MYH4: variants seen among roughly 807,000 people sequenced by gnomAD.
The protein encoded by MYH4 is myosin heavy chain 4.
A neutral mutation model predicts 229.9 loss-of-function variants in MYH4; 200 were observed. That is an observed-to-expected ratio of 0.87 (90% CI 0.78 to 0.98). The LOEUF (loss-of-function observed/expected upper bound fraction) is 0.98, where lower values mean the gene tolerates loss of function less well. MYH4 is among the 50% of genes least tolerant of loss of function. MYH4 has a pLI of 0.00. For synonymous variants in MYH4, 761 were observed against 834.6 expected, an observed-to-expected ratio of 0.91 and a Z score of 1.52; for missense variants, 2,148 against 2,332.6, an observed-to-expected ratio of 0.92 and a Z score of 1.63.
intron 12 of MYH4, 152 bp from the exon 13 acceptor site, chr17:10,460,473 A>G (rs1472308415): frequency 3.0e-6 from 2 of 655,896 alleles, no homozygotes; most frequent in African/African-American, 3.6e-5. Context: ...CCTCAAAAGC[A>G]TTGCCACCAC....
chr17:10,461,161 T>C (rs554551088), intron 11 of MYH4, 107 bp from the exon 12 acceptor site: 1 of 1,284,580 alleles, frequency 7.8e-7, no homozygotes. Context: ...TGCCTTATAT[T>C]TGACTAGCAC....
In MYH4 at chr17:10,460,354, C is replaced by T. The variant is rs763752619; in HGVS notation, c.1148-33G>A. 4.8e-6 allele frequency: 7 copies of T among 1,444,318 alleles called. No individual in the cohort carries two copies. The South Asian group carries it at 8.5e-5, about 18-fold the overall frequency. 89.5% of individuals were successfully genotyped at this position (1,444,318 alleles called of 1,614,324 possible). A position where few individuals can be genotyped will look rare whatever the true frequency, so the allele number is the denominator to read the frequency against. On this transcript the variant is annotated intron_variant, in intron 12 of 39. Transcript: ENST00000255381. ...AACAAGGTGAGAATGGTGAAACTGA[C>T]CATGGCTTACACAATTTAAAATGTA... is the stretch of plus-strand genomic sequence containing the variant.
At chr17:10,452,367 T>A in intron 26 of MYH4, 37 bp from the exon 27 acceptor site, 1 of 1,614,126 alleles carries the variant, frequency 6.2e-7, no homozygotes, top group Non-Finnish European at 8.5e-7. Flanking sequence ...TGAATTTATG[T>A]CAGTTTTGTT....
In MYH4 at chr17:10,459,357, T is replaced by C. The variant is rs777072898; in HGVS notation, c.1481A>G (p.His494Arg). 6.2e-7 allele frequency: 1 copy of C among 1,614,142 alleles called. No homozygotes were observed. Among genetic ancestry groups the C allele is most frequent in the Non-Finnish European group, 8.5e-7 (1 of 1,180,030 alleles). Residue 494 changes from histidine to arginine, a missense_variant, in exon 15 of 40, where the codon CAC (histidine) becomes CGC (arginine). Coordinates refer to ENST00000255381, the MANE Select transcript of MYH4 (RefSeq NM_017533.2). ...TTCCTGCTCCAGCACGAACATGTGGTGGTTGAAAAACTGTTGCAGTTTCTC... is the reference window on the plus strand; with the variant it reads ...TTCCTGCTCCAGCACGAACATGTGGCGGTTGAAAAACTGTTGCAGTTTCTC... ...TNEKLQQFFNHHMFVLEQEEY... is the reference protein window; with the variant it reads ...TNEKLQQFFNRHMFVLEQEEY...
chr17:10,464,728 G>T lies in MYH4; in HGVS notation c.506-20C>A. The T allele has an allele frequency of 6.2e-7, 1 of 1,611,062 alleles. No individual in the cohort carries two copies. The highest frequency in any genetic ancestry group is 8.5e-7 in the Non-Finnish European group (1 of 1,177,928). On this transcript the variant is annotated intron_variant, in intron 5 of 39. Transcript: ENST00000255381. ...CACGATCTGTAAAAGAGAAGCCAAA[G>T]ATAATATTTAGAAAAACACACTTAA...
Position 10,453,693 on chromosome 17 carries a change from C to G in MYH4, c.2884G>C (p.Glu962Gln), listed in dbSNP as rs1230427429. ...TTCTCAACCTTGGCCAGTGTCAGCT[C>G]AAGGTCATCAATGTCTTTCTTGAGC... ...SELKKDIDDL[E>Q]LTLAKVEKEK... The change falls in exon 23 of 40, where the codon GAG (glutamate) becomes CAG (glutamine). Residue 962 changes from glutamate (E) to glutamine (Q), a missense_variant. By Grantham distance (29) the Glu-to-Gln change is conservative. Transcript: ENST00000255381. 6.2e-7 allele frequency: 1 copy of G among 1,614,098 alleles called. No individual in the cohort carries two copies. The highest frequency in any genetic ancestry group is 8.5e-7 in the Non-Finnish European group (1 of 1,180,006).
rs35896304 is a variant in MYH4, at chr17:10,446,027, CAA to C, written c.5170-667_5170-666del. ...TGGGTGACAGAGTGAGACCCCTTCTCAAAAAAAAAAAAAAAAAAAAAAAAATA... is the reference window on the plus strand; with the variant it reads ...TGGGTGACAGAGTGAGACCCCTTCTCAAAAAAAAAAAAAAAAAAAAAAATA... On this transcript the variant is annotated intron_variant, in intron 35 of 39. Coordinates refer to ENST00000255381, the MANE Select transcript of MYH4 (RefSeq NM_017533.2). Among the ~76,000 whole-genome samples the C allele has an allele frequency of 3.0e-3, 205 of 68,550 alleles. 2 individuals carry two copies. The South Asian group carries it at 0.05, about 17-fold the overall frequency. 45.0% of individuals were successfully genotyped at this position (68,550 alleles called of 152,430 possible). A position where few individuals can be genotyped will look rare whatever the true frequency, so the allele number is the denominator to read the frequency against.
Position 10,443,507 on chromosome 17 carries a change from G to A in MYH4, c.5688C>T (p.Asn1896=). The change falls in exon 40 of 40, where the codon AAC becomes AAT. Residue 1896 remains asparagine, a synonymous_variant. Coordinates refer to ENST00000255381, the MANE Select transcript of MYH4 (RefSeq NM_017533.2). The surrounding 1 kb of genome is among the most constrained non-coding windows in gnomAD (Gnocchi z 4.6). ...GCTGGAGCTTGCGGAACTTGGCAAGGTTGACATTGGATTGTTCCTCCTGAG... is the reference window on the plus strand; with the variant it reads ...GCTGGAGCTTGCGGAACTTGGCAAGATTGACATTGGATTGTTCCTCCTGAG... ...AEEAEEQSNV[N]LAKFRKLQHE... is the part of the protein sequence containing the mutation. 1 of 1,613,984 alleles carries A rather than the reference G, an allele frequency of 6.2e-7. No individual in the cohort carries two copies. The highest frequency in any genetic ancestry group is 8.5e-7 in the Non-Finnish European group (1 of 1,179,922).
At chr17:10,452,753 C>T (rs936601325) in intron 25 of MYH4, 34 bp downstream of exon 25, 3 of 1,568,700 alleles carry the variant, frequency 1.9e-6, no homozygotes, top group Non-Finnish European at 2.6e-6. Flanking sequence ...TGACATACAA[C>T]AAGCAGGTTA....
chr17:10,456,567 A>C lies in MYH4; in HGVS notation c.1898-12T>G, dbSNP rs1413069873. On this transcript the variant is annotated splice_polypyrimidine_tract_variant and intron_variant, in intron 16 of 39. Transcript: ENST00000255381. Reference sequence around the variant, plus strand: ...TCCACCACCACCCTCTAAAAAACAAAATGGGAAAAATAAAGTTATTTGCAA... The same window carrying C: ...TCCACCACCACCCTCTAAAAAACAACATGGGAAAAATAAAGTTATTTGCAA... 1 of 1,612,334 alleles carries C rather than the reference A, an allele frequency of 6.2e-7. No individual in the cohort carries two copies. The highest frequency in any genetic ancestry group is 2.2e-5 in the East Asian group (1 of 44,842).
intron 34 of MYH4, 100 bp from the exon 35 acceptor site, chr17:10,447,316 A>G: frequency 9.8e-7 from 1 of 1,023,012 alleles, no homozygotes; most frequent in Middle Eastern, 2.1e-4. Flanking sequence ...TTAGAGTATG[A>G]TTAGATAGGA....
intron 14 of MYH4, among the ~76,000 whole-genome samples, chr17:10,459,722 A>AT (rs1338910625): frequency 6.6e-6 from 1 of 151,896 alleles, no homozygotes; most frequent in African/African-American, 2.4e-5. Flanking sequence ...TCCAGGATAG[A>AT]TTTTGACTAT....
chr17:10,452,763 A>C, intron 25 of MYH4, 24 bp downstream of exon 25: 1 of 1,584,864 alleles, frequency 6.3e-7, no homozygotes, highest in African/African-American at 1.4e-5. Context: ...CAAGCAGGTT[A>C]TAGCTGAATT....
Position 10,447,965 on chromosome 17 carries a change from AT to A in MYH4, c.4817del (p.Asp1606ValfsTer11). On this transcript the variant is annotated frameshift_variant, in exon 34 of 40. Transcript: ENST00000255381. LOFTEE classifies it high-confidence loss of function. ...RVVESMQSTLDAEIRSRNDAL... is the reference protein window; with the variant it reads ...RVVESMQSTLXAEIRSRNDAL... ...CATCATTTCTGCTCCTGATCTCAGCATCCAGTGTACTCTGCATTGACTCCAC... is the reference window on the plus strand; with the variant it reads ...CATCATTTCTGCTCCTGATCTCAGCACCAGTGTACTCTGCATTGACTCCAC... 1 of 1,613,972 alleles carries A rather than the reference AT, an allele frequency of 6.2e-7. No homozygotes were observed. Among genetic ancestry groups the A allele is most frequent in the Non-Finnish European group, 8.5e-7 (1 of 1,179,982 alleles).
chr17:10,443,284 A>G (rs892934958), downstream of MYH4: 1 of 1,376,424 alleles, frequency 7.3e-7, no homozygotes, highest in Non-Finnish European at 1.0e-6. The surrounding 1 kb of genome is among the most constrained non-coding windows in gnomAD (Gnocchi z 4.6). Flanking sequence ...AAAATTATCT[A>G]AAGATTTTAT....
rs575548876 is a variant in MYH4 at position 10,446,007 on chromosome 17, G to A, written c.5170-645C>T. ...CGCACCACTGCACTCCAGCCTGGGT[G>A]ACAGAGTGAGACCCCTTCTCAAAAA... On this transcript the variant is annotated intron_variant, in intron 35 of 39. Transcript: ENST00000255381. Among the ~76,000 whole-genome samples, 645 of 112,196 alleles carry A rather than the reference G, an allele frequency of 5.7e-3. 11 individuals are homozygous for A. In the Middle Eastern group the frequency reaches 0.13, roughly 23 times the overall value. 73.6% of individuals were successfully genotyped at this position (112,196 alleles called of 152,430 possible). A position where few individuals can be genotyped will look rare whatever the true frequency, so the allele number is the denominator to read the frequency against.
At chr17:10,448,233 G>T in intron 33 of MYH4, 107 bp from the exon 34 acceptor site, 1 of 1,299,890 alleles carries the variant, frequency 7.7e-7, no homozygotes. Flanking sequence ...ACTATCATAC[G>T]TCTTAATGTA....
In MYH4 at chr17:10,445,071, C is replaced by G. The variant is rs775219097; in HGVS notation, c.5371G>C (p.Glu1791Gln). 6.2e-7 allele frequency: 1 copy of G among 1,614,158 alleles called. No individual in the cohort carries two copies. The highest frequency in any genetic ancestry group is 8.5e-7 in the Non-Finnish European group (1 of 1,180,026). Reference sequence around the variant, plus strand: ...AGCTGCAGATCCTTCACGGTCTGCTCCATGTTCTTCTTCATCCGCTCCAGG... The same window carrying G: ...AGCTGCAGATCCTTCACGGTCTGCTGCATGTTCTTCTTCATCCGCTCCAGG... Reference protein sequence around the residue: ...AHLERMKKNMEQTVKDLQLRL... With the variant: ...AHLERMKKNMQQTVKDLQLRL... The change falls in exon 37 of 40, where the codon GAG (glutamate) becomes CAG (glutamine). Residue 1791 changes from glutamate to glutamine, a missense_variant. Coordinates refer to ENST00000255381, the MANE Select transcript of MYH4 (RefSeq NM_017533.2).
At chr17:10,449,936 G>A (rs1300693443) in intron 30 of MYH4, among the ~76,000 whole-genome samples, 1 of 152,112 alleles carries the variant, frequency 6.6e-6, no homozygotes, top group Non-Finnish European at 1.5e-5. Flanking sequence ...CCTTCTATGT[G>A]TAAATCTGTA....
Sources: gnomAD v4.1 joint callset for allele counts (sites outside exome capture counted in the v4.1 genomes callset) on GRCh38, gnomAD v4.1.1 for gene constraint, Gnocchi (gnomAD v3.1) non-coding constraint, MANE v1.5 for transcripts, NCBI Gene and HGNC (gene_info 2026-07-23, HGNC 2026-07-21) for gene names.